Variants in STXBP6 observed in about 807,000 individuals in gnomAD.
STXBP6 encodes the protein syntaxin binding protein 6.
In STXBP6, 21 loss-of-function variants were observed where a neutral mutation model predicts 26.9. The ratio of observed to expected loss-of-function variants is 0.78; its 90% CI spans 0.55 to 1.12. The LOEUF (loss-of-function observed/expected upper bound fraction) is 1.12. STXBP6 is among the 50% of genes most tolerant of loss of function. The pLI is 0.00. For synonymous variants in STXBP6, 97 were observed against 92.6 expected (o/e 1.05, Z -0.27); for missense variants, 232 against 257.9 (o/e 0.90, Z 0.69).
intron 2 of STXBP6, among the ~76,000 whole-genome samples, chr14:24,889,361 A>G (rs2070707074): frequency 2.1e-5 from 3 of 142,456 alleles, no homozygotes; most frequent in Non-Finnish European, 4.5e-5. Context: ...ATAAAACTAG[A>G]ACAGGATGCT....
intron 2 of STXBP6, among the ~76,000 whole-genome samples, chr14:24,913,511 A>G (rs1166732125): frequency 6.6e-6 from 1 of 152,180 alleles, no homozygotes; most frequent in African/African-American, 2.4e-5. Flanking sequence ...AACAACAACA[A>G]CAACAAAGAA....
chr14:25,026,896 G>T (rs900444837), intron 1 of STXBP6, among the ~76,000 whole-genome samples: 1 of 152,162 alleles, frequency 6.6e-6, no homozygotes, highest in Non-Finnish European at 1.5e-5. Flanking sequence ...TCTGAATCTA[G>T]CATGGAACCA....
chr14:24,937,135 G>A (rs751967704), intron 2 of STXBP6, among the ~76,000 whole-genome samples: 2 of 152,210 alleles, frequency 1.3e-5, no homozygotes, highest in Admixed American at 6.5e-5. Flanking sequence ...ACCAGGGCCT[G>A]TCGGCGGGTG....
At chr14:24,911,574 T>C (rs1276988483) in intron 2 of STXBP6, among the ~76,000 whole-genome samples, 4 of 152,182 alleles carry the variant, frequency 2.6e-5, no homozygotes, top group Non-Finnish European at 5.9e-5. Flanking sequence ...GAAAGCACCT[T>C]GGCAGTCATC....
At chr14:24,822,679 C>A (rs538050753) in intron 4 of STXBP6, among the ~76,000 whole-genome samples, 2 of 152,094 alleles carry the variant, frequency 1.3e-5, no homozygotes, top group African/African-American at 2.4e-5. Flanking sequence ...CCCTCCACCC[C>A]CCTTAAGACT....
chr14:24,836,863 AT>A (rs1377417540), intron 4 of STXBP6, among the ~76,000 whole-genome samples: 1 of 152,170 alleles, frequency 6.6e-6, no homozygotes, highest in Non-Finnish European at 1.5e-5. Flanking sequence ...GGCAGGATAG[AT>A]CTATAATTAA....
intron 2 of STXBP6, among the ~76,000 whole-genome samples, chr14:24,881,178 C>CTG (rs2070343197): frequency 6.6e-6 from 1 of 151,646 alleles, no homozygotes; most frequent in Non-Finnish European, 1.5e-5. Context: ...AAGGCTCAGG[C>CTG]TGTGTTCAGT....
intron 1 of STXBP6, among the ~76,000 whole-genome samples, chr14:25,012,994 A>G (rs2075065037): frequency 6.6e-6 from 1 of 152,170 alleles, no homozygotes; most frequent in African/African-American, 2.4e-5. Flanking sequence ...TGGGAGGCTG[A>G]GGTGGGAGGA....
rs149061151 is a variant in STXBP6, at chr14:24,996,013, T to C, written c.-32-21163A>G. 2.0e-5 allele frequency among the ~76,000 whole-genome samples: 3 copies of C among 152,326 alleles called. No homozygotes were observed. The East Asian group carries it at 5.8e-4, about 29-fold the overall frequency. On this transcript the variant is annotated intron_variant, in intron 1 of 5. Coordinates refer to ENST00000323944, the MANE Select transcript of STXBP6 (RefSeq NM_001394410.1). ...AAATCTTTATGTTGATCTATATATG[T>C]AGATTTACTATATAAATTGTAGAGG...
At chr14:24,826,411 T>C (rs1341887627) in intron 4 of STXBP6, among the ~76,000 whole-genome samples, 2 of 152,164 alleles carry the variant, frequency 1.3e-5, no homozygotes, top group Non-Finnish European at 1.5e-5. Flanking sequence ...ACTAATGAGA[T>C]TGTTACCTGG....
At chr14:24,824,981 G>T (rs908569609) in intron 4 of STXBP6, among the ~76,000 whole-genome samples, 1 of 152,232 alleles carries the variant, frequency 6.6e-6, no homozygotes, top group Non-Finnish European at 1.5e-5. Context: ...AAGTGGTTCT[G>T]TGAGTTACAG....
chr14:24,979,387 T>C (rs896273814), intron 1 of STXBP6, among the ~76,000 whole-genome samples: 1 of 152,206 alleles, frequency 6.6e-6, no homozygotes, highest in Non-Finnish European at 1.5e-5. Context: ...TTCAGAGTCT[T>C]TGAAGTTAAG....
At chr14:24,882,276 G>T (rs1413347319) in intron 2 of STXBP6, among the ~76,000 whole-genome samples, 2 of 146,236 alleles carry the variant, frequency 1.4e-5, no homozygotes, top group East Asian at 2.0e-4. Flanking sequence ...CTACTTGGGA[G>T]GCTGAGGCAG....
chr14:24,953,553 CTT>C (rs1174223235), intron 2 of STXBP6, among the ~76,000 whole-genome samples: 1 of 152,190 alleles, frequency 6.6e-6, no homozygotes, highest in African/African-American at 2.4e-5. Flanking sequence ...CCAGGAAACT[CTT>C]TTTCAACCCT....
At chr14:25,011,142 T>C (rs893767297) in intron 1 of STXBP6, among the ~76,000 whole-genome samples, 1 of 151,230 alleles carries the variant, frequency 6.6e-6, no homozygotes, top group African/African-American at 2.5e-5. Context: ...GTATTAAAGA[T>C]CTACTTTCCA....
intron 1 of STXBP6, among the ~76,000 whole-genome samples, chr14:24,999,822 T>C (rs1001651637): frequency 6.6e-5 from 10 of 152,284 alleles, no homozygotes; most frequent in African/African-American, 2.4e-4. Flanking sequence ...AGGAGTAAAC[T>C]GAAGCCTCTA....
chr14:24,904,877 C>T (rs2071334728), intron 2 of STXBP6, among the ~76,000 whole-genome samples: 1 of 152,044 alleles, frequency 6.6e-6, no homozygotes, highest in Non-Finnish European at 1.5e-5. Flanking sequence ...GCATTCAAAG[C>T]AGTTCTATTT....
chr14:24,982,157 A>C, intron 1 of STXBP6, among the ~76,000 whole-genome samples: 1 of 152,334 alleles, frequency 6.6e-6, no homozygotes, highest in African/African-American at 2.4e-5. Context: ...TTTAAGGCAC[A>C]TTCTTTCCAC....
At chr14:24,990,309 T>C (rs944215927) in intron 1 of STXBP6, among the ~76,000 whole-genome samples, 1 of 151,540 alleles carries the variant, frequency 6.6e-6, no homozygotes, top group African/African-American at 2.4e-5. Context: ...ATGGGGAGAG[T>C]TGAGAAAGGC....
Sources: gnomAD v4.1 joint callset for allele counts (sites outside exome capture counted in the v4.1 genomes callset) on GRCh38, gnomAD v4.1.1 for gene constraint, MANE v1.5 for transcripts, NCBI Gene and HGNC (gene_info 2026-07-23, HGNC 2026-07-21) for gene names.